Variants in PACRGL observed in about 807,000 individuals in gnomAD.
PACRGL encodes the protein PACRG-like protein.
In PACRGL, 38 loss-of-function variants were observed where a neutral mutation model predicts 34.5. That is an observed-to-expected ratio of 1.10 (90% CI 0.85 to 1.44). PACRGL has a LOEUF of 1.44. Ranked by LOEUF, PACRGL falls within the 40% of genes most tolerant of loss-of-function variation. The probability of loss-of-function intolerance (pLI) is 0.00; values close to 1 mark genes in which losing one functional copy is unlikely to be tolerated. For synonymous variants in PACRGL, 128 were observed against 100.1 expected, an observed-to-expected ratio of 1.28 and a Z score of -1.66; for missense variants, 305 against 281.4, an observed-to-expected ratio of 1.08 and a Z score of -0.60.
intron 7 of PACRGL, chr4:20,718,671 A>T (rs1254056838): frequency 6.6e-6 from 1 of 152,218 alleles, no homozygotes; most frequent in Admixed American, 6.5e-5. Context: ...CATCCCAGGG[A>T]TGAAGCTTAT....
At chr4:20,716,198 C>A in intron 7 of PACRGL, 2 of 1,017,926 alleles carry the variant, frequency 2.0e-6, no homozygotes, top group Non-Finnish European at 3.0e-6. Context: ...CTGTTACTGG[C>A]TGTTATGGTT....
At chr4:20,735,956 C>T (rs991687456), downstream of PACRGL, among the ~76,000 whole-genome samples, 2 of 152,192 alleles carry the variant, frequency 1.3e-5, no homozygotes, top group Admixed American at 1.3e-4. Context: ...GGTGAATTTG[C>T]ATTATATCTC....
At chr4:20,760,352 C>G in the PACRGL span, among the ~76,000 whole-genome samples, 1 of 152,174 alleles carries the variant, frequency 6.6e-6, no homozygotes, top group Non-Finnish European at 1.5e-5. Flanking sequence ...AAATTTGATA[C>G]TGTTTCCAGC....
chr4:20,713,230 G>A (rs1410238971), intron 6 of PACRGL: 2 of 578,414 alleles, frequency 3.5e-6, no homozygotes, highest in Non-Finnish European at 6.0e-6. Flanking sequence ...TCAGTCAGAT[G>A]GAAAATTTGT....
chr4:20,714,069 C>T (rs1290112530), intron 7 of PACRGL, among the ~76,000 whole-genome samples: 10 of 152,108 alleles, frequency 6.6e-5, no homozygotes, highest in African/African-American at 2.2e-4. Flanking sequence ...CTTTCTGTCT[C>T]GTTGATCTGT....
downstream of PACRGL, among the ~76,000 whole-genome samples, chr4:20,756,098 CAG>C (rs748025523): frequency 6.6e-5 from 10 of 151,676 alleles, no homozygotes; most frequent in African/African-American, 9.7e-5. Context: ...TCATCAGAAT[CAG>C]AGAAGTCAGT....
rs544746110 is a variant in PACRGL at position 20,731,612 on chromosome 4, G to C, written c.*4271G>C. On this transcript the variant is annotated 3_prime_UTR_variant, in exon 9 of 9. Transcript: ENST00000503585. Reference sequence around the variant, plus strand: ...ATCAGATAGAAGCTTGGCCTGTTGTGATGCCATACTTGGCTATCTAGGAAT... The same window carrying C: ...ATCAGATAGAAGCTTGGCCTGTTGTCATGCCATACTTGGCTATCTAGGAAT... 5 of 985,074 alleles carry C rather than the reference G, an allele frequency of 5.1e-6. 1 individual carries two copies. The South Asian group carries it at 2.4e-4, about 46-fold the overall frequency. The allele number at this position is 985,074 out of a possible 1,614,324, so 61.0% of individuals were successfully genotyped here.
At chr4:20,718,239 A>G (rs997769386) in intron 7 of PACRGL, among the ~76,000 whole-genome samples, 3 of 152,172 alleles carry the variant, frequency 2.0e-5, no homozygotes, top group Non-Finnish European at 2.9e-5. Context: ...GGCTGAGACG[A>G]TGGGGTTTTC....
At chr4:20,715,377 A>G (rs1739410373) in intron 7 of PACRGL, among the ~76,000 whole-genome samples, 1 of 152,050 alleles carries the variant, frequency 6.6e-6, no homozygotes, top group African/African-American at 2.4e-5. Flanking sequence ...TACATATGTA[A>G]CTAACCTGCA....
chr4:20,700,748 G>A lies in PACRGL; in HGVS notation c.-56G>A, dbSNP rs1360376425. On this transcript the variant is annotated 5_prime_UTR_variant, in exon 1 of 9. Transcript: ENST00000503585. Reference sequence around the variant, plus strand: ...TACCCCTCCTTTCCTGGGGTAGAGGGTCAGTCGAGAGTAGCCTTCGTTAAC... The same window carrying A: ...TACCCCTCCTTTCCTGGGGTAGAGGATCAGTCGAGAGTAGCCTTCGTTAAC... The A allele has an allele frequency of 6.6e-6, 1 of 152,154 alleles. No individual in the cohort carries two copies. Among genetic ancestry groups the A allele is most frequent in the Admixed American group, 6.5e-5 (1 of 15,280 alleles). 9.4% of individuals were successfully genotyped at this position (152,154 alleles called of 1,614,324 possible).
In PACRGL at chr4:20,730,994, A is replaced by G. The variant is rs1470746026; in HGVS notation, c.*3653A>G. 1.3e-5 allele frequency among the ~76,000 whole-genome samples: 2 copies of G among 152,226 alleles called. No homozygotes were observed. The highest frequency in any genetic ancestry group is 4.8e-5 in the African/African-American group (2 of 41,470). The stretch of plus-strand genomic sequence containing the variant: ...AGTTGAGAGACAAGCAGACATCCAG[A>G]AAAGTAAGAACAACAATTTAAAAAT... On this transcript the variant is annotated 3_prime_UTR_variant, in exon 9 of 9. Coordinates refer to ENST00000503585, the MANE Select transcript of PACRGL (RefSeq NM_001258345.3).
intron 3 of PACRGL, among the ~76,000 whole-genome samples, chr4:20,706,419 G>C (rs950931709): frequency 2.6e-5 from 4 of 152,110 alleles, no homozygotes; most frequent in Admixed American, 2.0e-4. Context: ...TCTCCAATAT[G>C]TGTAGCACTT....
chr4:20,716,340 T>TTTTG (rs543375216), intron 7 of PACRGL: 7 of 586,052 alleles, frequency 1.2e-5, no homozygotes, highest in Admixed American at 6.6e-5. Context: ...AGTGTTTTTT[T>TTTTG]TTTGTTTGTT....
At chr4:20,735,530 GTTTTT>G (rs10542507), downstream of PACRGL, among the ~76,000 whole-genome samples, 2 of 109,710 alleles carry the variant, frequency 1.8e-5, no homozygotes, top group Non-Finnish European at 1.8e-5. Context: ...TTTTTTTTTT[GTTTTT>G]TTTTTTTTTT....
chr4:20,732,639 C>G, downstream of PACRGL: 2 of 1,301,244 alleles, frequency 1.5e-6, no homozygotes, highest in Non-Finnish European at 2.2e-6. Context: ...AGGAAATTTT[C>G]TCCTAACTTC....
At chr4:20,718,732 G>A (rs1193755877) in intron 7 of PACRGL, 1 of 152,202 alleles carries the variant, frequency 6.6e-6, no homozygotes, top group Non-Finnish European at 1.5e-5. Context: ...GATTCGGTTT[G>A]CCAGTAATTT....
chr4:20,733,687 G>C (rs753870501), downstream of PACRGL, among the ~76,000 whole-genome samples: 2 of 152,024 alleles, frequency 1.3e-5, no homozygotes, highest in Non-Finnish European at 2.9e-5. Flanking sequence ...TAAGTATCTG[G>C]GTAATAAATA....
intron 8 of PACRGL, among the ~76,000 whole-genome samples, chr4:20,725,593 G>A (rs1745302754): frequency 6.6e-6 from 1 of 152,038 alleles, no homozygotes; most frequent in Admixed American, 6.6e-5. Context: ...AGATCTTAAT[G>A]ATAGAATTGC....
At chr4:20,751,283 AG>A (rs1454851735) in intron 8 of PACRGL, among the ~76,000 whole-genome samples, 1 of 152,214 alleles carries the variant, frequency 6.6e-6, no homozygotes, top group Non-Finnish European at 1.5e-5. Flanking sequence ...TGTGACATCT[AG>A]AGTGGATATC....
Sources: allele counts gnomAD v4.1 joint callset (sites outside exome capture counted in the v4.1 genomes callset), GRCh38; gene constraint gnomAD v4.1.1; transcripts MANE v1.5; gene names NCBI Gene and HGNC (gene_info 2026-07-23, HGNC 2026-07-21).